The following MAML1 variants were observed in gnomAD, a reference collection of about 807,000 sequenced individuals.
The protein encoded by MAML1 is mastermind-like protein 1.
Under a neutral mutation model 77.1 loss-of-function variants are expected in MAML1, and 14 were observed. The ratio of observed to expected loss-of-function variants is 0.18; its 90% CI spans 0.12 to 0.28. The LOEUF (loss-of-function observed/expected upper bound fraction) is 0.28. Ranked by LOEUF, MAML1 falls within the 10% of genes least tolerant of loss-of-function variation. The pLI, the probability that MAML1 is intolerant of heterozygous loss-of-function variation, is 1.00. For synonymous variants in MAML1, 516 were observed against 551.9 expected, an observed-to-expected ratio of 0.93 and a Z score of 0.91; for missense variants, 1,217 against 1,327.8, an observed-to-expected ratio of 0.92 and a Z score of 1.30.
intron 1 of MAML1, among the ~76,000 whole-genome samples, chr5:179,752,350 A>AAAAAAAAAAAT (rs1554150144): frequency 6.0e-5 from 4 of 66,712 alleles, no homozygotes; most frequent in Admixed American, 2.3e-4. Flanking sequence ...AAAAAAAAAA[A>AAAAAAAAAAAT]ATATATATAT....
intron 1 of MAML1, among the ~76,000 whole-genome samples, chr5:179,756,057 C>T (rs1779608563): frequency 6.6e-6 from 1 of 151,444 alleles, no homozygotes; most frequent in Admixed American, 6.6e-5. Context: ...AGCCACCATG[C>T]CTGGCAGTTT....
intron 1 of MAML1, among the ~76,000 whole-genome samples, chr5:179,748,805 T>C (rs1323115427): frequency 6.6e-6 from 1 of 152,158 alleles, no homozygotes; most frequent in Non-Finnish European, 1.5e-5. Flanking sequence ...AATCAGAATG[T>C]CTTTGGACTT....
intron 1 of MAML1, among the ~76,000 whole-genome samples, chr5:179,735,528 C>G (rs910333293): frequency 7.2e-5 from 11 of 152,040 alleles, no homozygotes; most frequent in Admixed American, 7.2e-4. Flanking sequence ...GCTGGGATTA[C>G]AGGTGCTGGC....
chr5:179,773,522 T>TGCGCCCCATC (rs1212544721), intron 4 of MAML1, among the ~76,000 whole-genome samples: 1 of 147,754 alleles, frequency 6.8e-6, no homozygotes, highest in African/African-American at 2.6e-5. Context: ...CGCGCCCCAT[T>TGCGCCCCATC]GCGCCCCATC....
rs1368027926 is a variant in MAML1, at chr5:179,733,122, C to G, written c.10C>G (p.Pro4Ala). The part of the protein sequence containing the change: MVL[P>A]TCPMAEFALP... ...GTGCAGCCCGCGGCCCATGGTGCTG[C>G]CCACCTGCCCCATGGCGGAGTTCGC... The change falls in exon 1 of 5, where the codon CCC becomes GCC. Residue 4 changes from proline to alanine, a missense_variant. By Grantham distance (27) the Pro-to-Ala change is conservative. This residue lies in a region of MAML1 where 312 missense variants were observed against 331.4 expected (regional missense o/e 0.94). Transcript: ENST00000292599. The G allele has an allele frequency of 1.4e-6, 2 of 1,432,188 alleles. No homozygotes were observed. Among genetic ancestry groups the G allele is most frequent in the South Asian group, 2.7e-5 (2 of 75,082 alleles). The allele number at this position is 1,432,188 out of a possible 1,614,324, so 88.7% of individuals were successfully genotyped here. A position where few individuals can be genotyped will look rare whatever the true frequency, so the allele number is the denominator to read the frequency against.
At position 179,765,908 on chromosome 5, in the gene MAML1, A is replaced by G; in HGVS notation, c.898A>G (p.Thr300Ala). 1 of 1,614,096 alleles carries G rather than the reference A, an allele frequency of 6.2e-7. No homozygotes were observed. Among genetic ancestry groups the G allele is most frequent in the Non-Finnish European group, 8.5e-7 (1 of 1,180,020 alleles). Residue 300 changes from threonine to alanine, a missense_variant, in exon 2 of 5, where the codon ACG (threonine) becomes GCG (alanine). By Grantham distance (58) the Thr-to-Ala change is moderately conservative. Around this residue, in one of 3 missense-constraint regions of MAML1, gnomAD observed 884 missense variants for 949.3 expected, o/e 0.93. Coordinates refer to ENST00000292599, the MANE Select transcript of MAML1 (RefSeq NM_014757.5). ...TPLAQDINIKTEFSPAAFEQE... is the reference protein window; with the variant it reads ...TPLAQDINIKAEFSPAAFEQE... Reference sequence around the variant, plus strand: ...CTTGGCACAGGACATTAATATTAAGACGGAATTCTCTCCAGCAGCCTTTGA... The same window carrying G: ...CTTGGCACAGGACATTAATATTAAGGCGGAATTCTCTCCAGCAGCCTTTGA...
At chr5:179,737,025 G>A (rs1428875640) in intron 1 of MAML1, among the ~76,000 whole-genome samples, 1 of 151,826 alleles carries the variant, frequency 6.6e-6, no homozygotes, top group Non-Finnish European at 1.5e-5. Flanking sequence ...GTTGTTCTAA[G>A]AATTTAGACC....
rs1004942341 is a variant in MAML1, at chr5:179,732,926, G to C, written c.-187G>C. The C allele has an allele frequency of 3.4e-6, 1 of 295,684 alleles. No individual in the cohort carries two copies. The highest frequency in any genetic ancestry group is 5.2e-5 in the Admixed American group (1 of 19,272). 18.3% of individuals were successfully genotyped at this position (295,684 alleles called of 1,614,324 possible). The stretch of plus-strand genomic sequence containing the variant: ...CCGAGGCTTGAGGTAGGCAGCAAGC[G>C]CCGGCTGGGGGTCGGGCCGAGCGGG... On this transcript the variant is annotated 5_prime_UTR_variant, in exon 1 of 5. Coordinates refer to ENST00000292599, the MANE Select transcript of MAML1 (RefSeq NM_014757.5).
rs1471486962 is a variant in MAML1, at chr5:179,776,167, C to G, written c.*1290C>G. The G allele has an allele frequency of 1.0e-6, 1 of 985,814 alleles. No individual in the cohort carries two copies. The highest frequency in any genetic ancestry group is 1.7e-5 in the African/African-American group (1 of 57,256). 61.1% of individuals were successfully genotyped at this position (985,814 alleles called of 1,614,324 possible). ...CGTAACGAAAGCAAAGTGGTAAGCA[C>G]AGGGTGAGACCCTTTTACACAGAAT... On this transcript the variant is annotated 3_prime_UTR_variant, in exon 5 of 5. Transcript: ENST00000292599.
chr5:179,776,661 T>C lies in MAML1; in HGVS notation c.*1784T>C. 1 of 985,760 alleles carries C rather than the reference T, an allele frequency of 1.0e-6. No homozygotes were observed. The highest frequency in any genetic ancestry group is 5.2e-4 in the Middle Eastern group (1 of 1,918). The allele number at this position is 985,760 out of a possible 1,614,324, so 61.1% of individuals were successfully genotyped here. ...TCCCAAAAATCGGCTGAAGGCTGGT[T>C]GTGGATCCTTGTTCCTCTCCTGACC... On this transcript the variant is annotated 3_prime_UTR_variant, in exon 5 of 5. Transcript: ENST00000292599.
chr5:179,768,366 G>A (rs1052764925), intron 2 of MAML1, among the ~76,000 whole-genome samples: 14 of 152,174 alleles, frequency 9.2e-5, no homozygotes, highest in African/African-American at 3.1e-4. Flanking sequence ...CTGAGGCAGG[G>A]GAATCGCTTG....
At chr5:179,758,197 C>G (rs1477574072) in intron 1 of MAML1, among the ~76,000 whole-genome samples, 1 of 152,194 alleles carries the variant, frequency 6.6e-6, no homozygotes, top group Non-Finnish European at 1.5e-5. Context: ...CTTACCTTCT[C>G]TATGTCCTCG....
intron 1 of MAML1, among the ~76,000 whole-genome samples, chr5:179,746,530 C>T (rs1349408463): frequency 8.6e-5 from 13 of 151,902 alleles, no homozygotes; most frequent in Non-Finnish European, 1.6e-4. Flanking sequence ...TACGCCACCA[C>T]ACCCGGCTAA....
At chr5:179,747,889 A>G (rs1453402581) in intron 1 of MAML1, among the ~76,000 whole-genome samples, 2 of 152,022 alleles carry the variant, frequency 1.3e-5, no homozygotes, top group Non-Finnish European at 2.9e-5. Flanking sequence ...TAAGTGAAAT[A>G]AGACAGTCAC....
chr5:179,758,509 A>C (rs768459014), intron 1 of MAML1, among the ~76,000 whole-genome samples: 2 of 150,266 alleles, frequency 1.3e-5, no homozygotes, highest in African/African-American at 4.9e-5. Flanking sequence ...TCTCACCTCA[A>C]CCTCCCAAAT....
In MAML1 at chr5:179,765,655, A is replaced by G. The variant is rs1241924815; in HGVS notation, c.645A>G (p.Glu215=). The G allele has an allele frequency of 1.2e-6, 2 of 1,614,166 alleles. No individual in the cohort carries two copies. The highest frequency in any genetic ancestry group is 1.7e-6 in the Non-Finnish European group (2 of 1,180,018). The change falls in exon 2 of 5, where the codon GAA becomes GAG. Residue 215 remains glutamate, a synonymous_variant. Coordinates refer to ENST00000292599, the MANE Select transcript of MAML1 (RefSeq NM_014757.5). ...CATTTCCTCTGAGCCTGAATAAAGAACTGAAGCAGGAGCCTGTCGAAGACC... is the reference window on the plus strand; with the variant it reads ...CATTTCCTCTGAGCCTGAATAAAGAGCTGAAGCAGGAGCCTGTCGAAGACC... The part of the protein sequence containing the change: ...SESFPLSLNK[E]LKQEPVEDLP...
At chr5:179,746,976 C>T (rs1779394538) in intron 1 of MAML1, among the ~76,000 whole-genome samples, 1 of 152,174 alleles carries the variant, frequency 6.6e-6, no homozygotes, top group Non-Finnish European at 1.5e-5. Flanking sequence ...CCGCCTACCC[C>T]TGAAACAGAG....
chr5:179,752,344 A>ATATATATATATATATATATAT (rs1292142222), intron 1 of MAML1, among the ~76,000 whole-genome samples: 2 of 93,238 alleles, frequency 2.1e-5, no homozygotes, highest in Non-Finnish European at 4.1e-5. Context: ...AAAAAAAAAA[A>ATATATATATATATATATATAT]AAAAAAATAT....
intron 1 of MAML1, among the ~76,000 whole-genome samples, chr5:179,749,296 TTG>T (rs1779441919): frequency 6.6e-6 from 1 of 152,160 alleles, no homozygotes; most frequent in Admixed American, 6.5e-5. Context: ...CTGGATAATG[TTG>T]TGTTTTTAGT....
Sources: allele counts gnomAD v4.1 joint callset (sites outside exome capture counted in the v4.1 genomes callset), GRCh38; gene constraint gnomAD v4.1.1; regional missense constraint gnomAD v4.1.1; transcripts MANE v1.5; gene names NCBI Gene and HGNC (gene_info 2026-07-23, HGNC 2026-07-21).